The following TNFRSF11A variants were observed in gnomAD, a reference collection of about 807,000 sequenced individuals.
The protein encoded by TNFRSF11A is TNF receptor superfamily member 11a.
Under a neutral mutation model 55.7 loss-of-function variants are expected in TNFRSF11A, and 32 were observed. The ratio of observed to expected loss-of-function variants is 0.57; its 90% CI spans 0.43 to 0.77. The LOEUF is 0.77. Among genes scored for constraint, TNFRSF11A ranks in the 30% least tolerant of loss-of-function variants. The probability of loss-of-function intolerance (pLI) is 0.00; values close to 1 mark genes in which losing one functional copy is unlikely to be tolerated. For synonymous variants in TNFRSF11A, 311 were observed against 331.0 expected (o/e 0.94, Z 0.65); for missense variants, 753 against 809.8 (o/e 0.93, Z 0.85).
In TNFRSF11A at chr18:62,388,576, AGAG is replaced by A. The variant is rs1225964998; in HGVS notation, c.*3545_*3547del. 1 of 152,286 alleles carries A rather than the reference AGAG, an allele frequency of 6.6e-6. No homozygotes were observed. The highest frequency in any genetic ancestry group is 1.5e-5 in the Non-Finnish European group (1 of 68,074). The allele number at this position is 152,286 out of a possible 1,614,324, so 9.4% of individuals were successfully genotyped here. Reference sequence around the variant, plus strand: ...GAGAAGAGTGCATTCTGGGAAAAAAAGAGGAACATATCCCAGCCCCTAACCAGT... The same window carrying A: ...GAGAAGAGTGCATTCTGGGAAAAAAAGAACATATCCCAGCCCCTAACCAGT... On this transcript the variant is annotated 3_prime_UTR_variant, in exon 10 of 10. Coordinates refer to ENST00000586569, the MANE Select transcript of TNFRSF11A (RefSeq NM_003839.4).
chr18:62,364,276 G>A (rs571670859), intron 7 of TNFRSF11A, among the ~76,000 whole-genome samples: 6 of 152,234 alleles, frequency 3.9e-5, no homozygotes, highest in South Asian at 2.1e-4. Flanking sequence ...GTGCATTAGC[G>A]GGCTGGAAGG....
chr18:62,354,561 G>A (rs369669088), intron 4 of TNFRSF11A, 27 bp downstream of exon 4: 559 of 1,600,916 alleles, frequency 3.5e-4, no homozygotes, highest in Non-Finnish European at 4.6e-4. Flanking sequence ...TGCGTCTGTC[G>A]GCTCTTGCTG....
In TNFRSF11A at chr18:62,349,884, T is replaced by G; in HGVS notation, c.230T>G (p.Leu77Trp). Reference protein sequence around the residue: ...VCLPCGPDEYLDSWNEEDKCL... With the variant: ...VCLPCGPDEYWDSWNEEDKCL... ...CTGCCCTGTGGCCCGGATGAATACT[T>G]GGATAGCTGGAATGAAGAAGATAAA... is the stretch of plus-strand genomic sequence containing the variant. Residue 77 changes from leucine (L) to tryptophan (W), a missense_variant, in exon 3 of 10, where the codon TTG becomes TGG. Leu to Trp is a moderately conservative substitution (Grantham distance 61). Coordinates refer to ENST00000586569, the MANE Select transcript of TNFRSF11A (RefSeq NM_003839.4). 1 of 1,614,140 alleles carries G rather than the reference T, an allele frequency of 6.2e-7. No homozygotes were observed. The highest frequency in any genetic ancestry group is 8.5e-7 in the Non-Finnish European group (1 of 1,179,982).
intron 3 of TNFRSF11A, among the ~76,000 whole-genome samples, chr18:62,354,165 C>T (rs62098353): frequency 0.12 from 18,391 of 152,256 alleles, 1,590 homozygotes; most frequent in Non-Finnish European, 0.18. Flanking sequence ...GCCCACAAAA[C>T]TCTTAATTAT....
chr18:62,325,884 C>T lies in TNFRSF11A; in HGVS notation c.75+457C>T, dbSNP rs1273803796. ...ACCCGGAAAGAGACATGATTCCCTC[C>T]GTCCCTGAACTGCGGGCTTGCCTTT... On this transcript the variant is annotated intron_variant, in intron 1 of 9. Coordinates refer to ENST00000586569, the MANE Select transcript of TNFRSF11A (RefSeq NM_003839.4). This position sits in a 1 kb window ranked among gnomAD's most constrained non-coding sequence, Gnocchi z 4.7. Among the ~76,000 whole-genome samples, 2 of 152,216 alleles carry T rather than the reference C, an allele frequency of 1.3e-5. No homozygotes were observed. The highest frequency in any genetic ancestry group is 2.9e-5 in the Non-Finnish European group (2 of 68,028).
At chr18:62,338,133 T>C (rs2046260691) in intron 1 of TNFRSF11A, among the ~76,000 whole-genome samples, 1 of 152,218 alleles carries the variant, frequency 6.6e-6, no homozygotes. Context: ...CACATCAGGA[T>C]GGCTATTATT....
At chr18:62,358,482 T>C in intron 5 of TNFRSF11A, 141 bp downstream of exon 5, 3 of 805,738 alleles carry the variant, frequency 3.7e-6, no homozygotes, top group African/African-American at 1.7e-5. Flanking sequence ...AAAAAGTCTG[T>C]CAATTCAGCC....
intron 1 of TNFRSF11A, among the ~76,000 whole-genome samples, chr18:62,326,947 A>G (rs1053550258): frequency 2.0e-5 from 3 of 152,328 alleles, no homozygotes; most frequent in African/African-American, 7.2e-5. Flanking sequence ...CAGGACTCCT[A>G]CAAAATAAGA....
intron 8 of TNFRSF11A, among the ~76,000 whole-genome samples, chr18:62,367,113 G>C (rs189264661): frequency 6.6e-6 from 1 of 152,330 alleles, no homozygotes; most frequent in East Asian, 1.9e-4. Flanking sequence ...GCCTCCCAAA[G>C]TGCTGGGATT....
intron 9 of TNFRSF11A, among the ~76,000 whole-genome samples, chr18:62,370,836 T>C (rs201957780): frequency 3.5e-4 from 1 of 2,876 alleles, no homozygotes; most frequent in Admixed American, 6.4e-3. Context: ...TTTTCTTTTC[T>C]TTTTTTTTTT....
rs1911769769 is a variant in TNFRSF11A at position 62,386,845 on chromosome 18, G to A, written c.*1811G>A. 6.6e-6 allele frequency: 1 copy of A among 152,194 alleles called. No homozygotes were observed. The highest frequency in any genetic ancestry group is 1.5e-5 in the Non-Finnish European group (1 of 68,038). The allele number at this position is 152,194 out of a possible 1,614,324, so 9.4% of individuals were successfully genotyped here. On this transcript the variant is annotated 3_prime_UTR_variant, in exon 10 of 10. Coordinates refer to ENST00000586569, the MANE Select transcript of TNFRSF11A (RefSeq NM_003839.4). ...CTGCAGGAAATAACTGCACAGCCAG[G>A]AGGATCCGTTGGTGGGAATTTACCG...
intron 2 of TNFRSF11A, among the ~76,000 whole-genome samples, chr18:62,349,165 CCT>C (rs2046428021): frequency 7.7e-6 from 1 of 130,704 alleles, no homozygotes; most frequent in Non-Finnish European, 1.8e-5. Context: ...TCATTCTATT[CCT>C]TTTTTTTTTT....
chr18:62,363,150 G>A (rs1216519004), intron 7 of TNFRSF11A, among the ~76,000 whole-genome samples: 5 of 151,730 alleles, frequency 3.3e-5, no homozygotes, highest in Non-Finnish European at 7.4e-5. Context: ...GGCCCAGTTG[G>A]TTGCTTATTT....
chr18:62,338,783 A>C (rs976044387), intron 1 of TNFRSF11A, among the ~76,000 whole-genome samples: 8 of 151,004 alleles, frequency 5.3e-5, no homozygotes, highest in Non-Finnish European at 1.0e-4. Context: ...CATACTTTAA[A>C]ATGGTTAAAA....
chr18:62,359,456 T>G (rs1489762765), intron 5 of TNFRSF11A, among the ~76,000 whole-genome samples: 1 of 152,090 alleles, frequency 6.6e-6, no homozygotes, highest in Non-Finnish European at 1.5e-5. Context: ...CACGGCTCAC[T>G]GCACCTTCAA....
intron 4 of TNFRSF11A, among the ~76,000 whole-genome samples, chr18:62,357,376 T>A (rs1271478081): frequency 6.6e-6 from 1 of 152,232 alleles, no homozygotes; most frequent in Non-Finnish European, 1.5e-5. Context: ...GACATTTATT[T>A]TGACAGTGTA....
rs1284125485 is a variant in TNFRSF11A at position 62,390,504 on chromosome 18, A to T, written c.*5470A>T. On this transcript the variant is annotated 3_prime_UTR_variant, in exon 10 of 10. Transcript: ENST00000586569. ...TGACCACCGGCTCAGAGGAGGTGGC[A>T]TTATAGGTCCAGGCCCCTTCAGGAG... 6.6e-6 allele frequency: 1 copy of T among 152,228 alleles called. No individual in the cohort carries two copies. Among genetic ancestry groups the T allele is most frequent in the Non-Finnish European group, 1.5e-5 (1 of 68,048 alleles). The allele number at this position is 152,228 out of a possible 1,614,324, so 9.4% of individuals were successfully genotyped here.
chr18:62,373,327 C>T (rs1044906886), intron 9 of TNFRSF11A, among the ~76,000 whole-genome samples: 2 of 152,144 alleles, frequency 1.3e-5, no homozygotes, highest in African/African-American at 2.4e-5. Context: ...GGCATGGTGG[C>T]ATGCGCCTGG....
chr18:62,366,686 A>G (rs918888131), intron 7 of TNFRSF11A, 22 bp from the exon 8 acceptor site: 8 of 1,613,668 alleles, frequency 5.0e-6, no homozygotes, highest in African/African-American at 1.3e-5. Flanking sequence ...TGAAGTCCTT[A>G]TCCTTGCTTT....
Sources: allele counts gnomAD v4.1 joint callset (sites outside exome capture counted in the v4.1 genomes callset), GRCh38; gene constraint gnomAD v4.1.1; non-coding constraint Gnocchi (gnomAD v3.1); transcripts MANE v1.5; gene names NCBI Gene and HGNC (gene_info 2026-07-23, HGNC 2026-07-21).